Variants in ARMC1 observed in about 807,000 individuals in gnomAD.
ARMC1 encodes the protein armadillo repeat-containing protein 1.
In ARMC1, 16 loss-of-function variants were observed where a neutral mutation model predicts 31.4. The observed-to-expected ratio is 0.51, with a 90% CI of 0.34 to 0.77. The LOEUF (loss-of-function observed/expected upper bound fraction) is 0.77, where lower values mean the gene tolerates loss of function less well. ARMC1 is among the 30% of genes least tolerant of loss of function. The pLI is 0.01. For synonymous variants in ARMC1, 114 were observed against 118.9 expected, an observed-to-expected ratio of 0.96 and a Z score of 0.27; for missense variants, 259 against 347.5, an observed-to-expected ratio of 0.75 and a Z score of 2.02.
intron 4 of ARMC1, among the ~76,000 whole-genome samples, chr8:65,610,939 CTTT>C (rs796885521): frequency 1.4e-5 from 2 of 144,896 alleles, no homozygotes; most frequent in Admixed American, 6.9e-5. Context: ...TTCACTTATC[CTTT>C]TTTTTTTTTG....
intron 1 of ARMC1, chr8:65,633,768 G>A (rs751276253): frequency 6.6e-6 from 1 of 152,328 alleles, no homozygotes; most frequent in Non-Finnish European, 1.5e-5. Flanking sequence ...ACTGGGGTTA[G>A]TAAAAGTCAG....
chr8:65,617,381 CG>C (rs1808294500), intron 3 of ARMC1, among the ~76,000 whole-genome samples: 1 of 152,094 alleles, frequency 6.6e-6, no homozygotes, highest in Non-Finnish European at 1.5e-5. Context: ...GGATTAAGGG[CG>C]GTGCAAGATG....
intron 3 of ARMC1, among the ~76,000 whole-genome samples, chr8:65,621,081 G>A (rs1356669306): frequency 6.6e-6 from 1 of 152,108 alleles, no homozygotes; most frequent in Non-Finnish European, 1.5e-5. Flanking sequence ...CTCAGCAACA[G>A]AGCGAGACCC....
intron 1 of ARMC1, among the ~76,000 whole-genome samples, chr8:65,627,683 C>T (rs10092109): frequency 0.64 from 96,688 of 152,074 alleles, 30,962 homozygotes; most frequent in African/African-American, 0.69. Flanking sequence ...TGTTTTAGCA[C>T]ACATATTTTA....
chr8:65,622,228 A>G (rs753767925), intron 3 of ARMC1, 35 bp downstream of exon 3: 63 of 1,508,672 alleles, frequency 4.2e-5, no homozygotes, highest in Non-Finnish European at 5.7e-5. Flanking sequence ...ATAAGTAAGT[A>G]TATAAATAAA....
intron 4 of ARMC1, among the ~76,000 whole-genome samples, chr8:65,611,733 T>C (rs1017583361): frequency 1.3e-5 from 2 of 152,180 alleles, no homozygotes; most frequent in African/African-American, 4.8e-5. Context: ...AGCTACATTT[T>C]CATGTATATA....
intron 3 of ARMC1, among the ~76,000 whole-genome samples, chr8:65,613,959 CAA>C (rs36010251): frequency 4.3e-5 from 6 of 139,878 alleles, no homozygotes; most frequent in Non-Finnish European, 7.7e-5. Context: ...GACTCCATCT[CAA>C]AAAAAAAAAA....
At chr8:65,618,766 C>T (rs1345671161) in intron 3 of ARMC1, among the ~76,000 whole-genome samples, 14 of 151,410 alleles carry the variant, frequency 9.2e-5, no homozygotes, top group South Asian at 2.1e-4. Flanking sequence ...ACTGTCGGGC[C>T]GGGGCGGTGG....
At chr8:65,621,091 C>T (rs923356637) in intron 3 of ARMC1, among the ~76,000 whole-genome samples, 1 of 152,076 alleles carries the variant, frequency 6.6e-6, no homozygotes, top group South Asian at 2.1e-4. Context: ...GAGCGAGACC[C>T]TGTCTCAAAA....
chr8:65,619,896 A>G (rs1029647314), intron 3 of ARMC1, among the ~76,000 whole-genome samples: 10 of 151,998 alleles, frequency 6.6e-5, no homozygotes, highest in Admixed American at 6.6e-4. Context: ...AGGCAGGAGA[A>G]CTGCTGGAGC....
At chr8:65,616,644 T>A (rs1808267944) in intron 3 of ARMC1, among the ~76,000 whole-genome samples, 2 of 147,598 alleles carry the variant, frequency 1.4e-5, no homozygotes, top group Admixed American at 1.4e-4. Context: ...GTCTGGGAAG[T>A]GAGGAGCGCC....
At chr8:65,623,050 C>T (rs1427890420) in intron 2 of ARMC1, among the ~76,000 whole-genome samples, 1 of 151,190 alleles carries the variant, frequency 6.6e-6, no homozygotes, top group African/African-American at 2.4e-5. Flanking sequence ...TGGCTCACGC[C>T]TGTAATCTCA....
intron 3 of ARMC1, among the ~76,000 whole-genome samples, chr8:65,617,894 G>A (rs1808306936): frequency 7.3e-6 from 1 of 137,220 alleles, no homozygotes; most frequent in African/African-American, 2.8e-5. Context: ...AATTAAGGCA[G>A]TATACTAATT....
rs1040908548 is a variant in ARMC1 at position 65,604,079 on chromosome 8, G to A, written c.*315C>T. On this transcript the variant is annotated 3_prime_UTR_variant, in exon 7 of 7. Transcript: ENST00000276569. ...GAGTTTTCCTAATCACATGCTTCAC[G>A]TAAAATAAAATGTAAAGCTGCACAT... 11 of 202,956 alleles carry A rather than the reference G, an allele frequency of 5.4e-5. No individual in the cohort carries two copies. The highest frequency in any genetic ancestry group is 9.0e-5 in the Non-Finnish European group (9 of 99,708). 12.6% of individuals were successfully genotyped at this position (202,956 alleles called of 1,614,324 possible).
Position 65,613,236 on chromosome 8 carries a change from G to T in ARMC1, c.465+8C>A. ...CATGATTTCTCTTTCCCATCTAACA[G>T]ACCTTACCGTATCATCAAGGCCATC... On this transcript the variant is annotated splice_region_variant and intron_variant, in intron 4 of 6. Transcript: ENST00000276569. 1 of 1,587,786 alleles carries T rather than the reference G, an allele frequency of 6.3e-7. No individual in the cohort carries two copies. The highest frequency in any genetic ancestry group is 1.2e-5 in the South Asian group (1 of 86,322).
At position 65,608,389 on chromosome 8, in the gene ARMC1, C is replaced by A. The variant is rs538013968; in HGVS notation, c.466-2851G>T. On this transcript the variant is annotated intron_variant, in intron 4 of 6. Transcript: ENST00000276569. ...TAAAAATACAAAAAAATTAGCGGGG[C>A]GTGGTGGTGGGTGCCTGTAATCCCA... Among the ~76,000 whole-genome samples the A allele has an allele frequency of 4.1e-4, 62 of 152,012 alleles. No homozygotes were observed. In the Middle Eastern group the frequency reaches 0.017, roughly 42 times the overall value.
chr8:65,603,792 T>C lies in ARMC1; in HGVS notation c.*602A>G, dbSNP rs1420002989. 2 of 152,516 alleles carry C rather than the reference T, an allele frequency of 1.3e-5. No homozygotes were observed. Among genetic ancestry groups the C allele is most frequent in the African/African-American group, 2.4e-5 (1 of 41,454 alleles). The allele number at this position is 152,516 out of a possible 1,614,324, so 9.4% of individuals were successfully genotyped here. On this transcript the variant is annotated 3_prime_UTR_variant, in exon 7 of 7. Coordinates refer to ENST00000276569, the MANE Select transcript of ARMC1 (RefSeq NM_018120.6). The stretch of plus-strand genomic sequence containing the variant: ...ATAAGGCTGCAAAATTTTTGTAGAG[T>C]TGTTTTTCTAGGGGACTACTGTGTT...
Position 65,604,277 on chromosome 8 carries a change from C to CG in ARMC1, c.*116dup. ...AAACGTGAAATGCAGCATATGCGAT[C>CG]GTGTAATCTAAAAACTTTTCATGAT... On this transcript the variant is annotated 3_prime_UTR_variant, in exon 7 of 7. Coordinates refer to ENST00000276569, the MANE Select transcript of ARMC1 (RefSeq NM_018120.6). 2 of 910,378 alleles carry CG rather than the reference C, an allele frequency of 2.2e-6. No homozygotes were observed. Among genetic ancestry groups the CG allele is most frequent in the Non-Finnish European group, 3.3e-6 (2 of 601,000 alleles). 56.4% of individuals were successfully genotyped at this position (910,378 alleles called of 1,614,324 possible).
intron 2 of ARMC1, among the ~76,000 whole-genome samples, chr8:65,624,846 C>T (rs879816963): frequency 1.3e-5 from 2 of 152,170 alleles, no homozygotes; most frequent in Non-Finnish European, 2.9e-5. Flanking sequence ...AATGGCCAGG[C>T]ATGGTGGCTC....
Sources: gnomAD v4.1 joint callset for allele counts (sites outside exome capture counted in the v4.1 genomes callset) on GRCh38, gnomAD v4.1.1 for gene constraint, MANE v1.5 for transcripts, NCBI Gene and HGNC (gene_info 2026-07-23, HGNC 2026-07-21) for gene names.